AAK1: variants seen among roughly 807,000 people sequenced by gnomAD.
AAK1 encodes AP2 associated kinase 1.
AAK1 carries 37 observed loss-of-function variants against 116.0 expected under a neutral mutation model. The observed-to-expected ratio is 0.32, with a 90% confidence interval of 0.25 to 0.42. The LOEUF (loss-of-function observed/expected upper bound fraction) is 0.42, where lower values mean the gene tolerates loss of function less well. Ranked by LOEUF, AAK1 falls within the 10% of genes least tolerant of loss-of-function variation. AAK1 has a pLI of 1.00. For synonymous variants in AAK1, 458 were observed against 439.9 expected, an observed-to-expected ratio of 1.04 and a Z score of -0.51; for missense variants, 919 against 1,170.6, an observed-to-expected ratio of 0.79 and a Z score of 3.14.
At chr2:69,521,077 C>A in intron 10 of AAK1, 89 bp from the exon 11 acceptor site, 1 of 1,395,098 alleles carries the variant, frequency 7.2e-7, no homozygotes, top group Non-Finnish European at 1.0e-6. Flanking sequence ...GCTTCCACAT[C>A]GACCCAAACC....
In AAK1 at chr2:69,530,000, A is replaced by AT; in HGVS notation, c.871+7dup. 3.9e-6 allele frequency: 6 copies of AT among 1,537,012 alleles called. No homozygotes were observed. Among genetic ancestry groups the AT allele is most frequent in the Non-Finnish European group, 4.4e-6 (5 of 1,143,338 alleles). On this transcript the variant is annotated splice_region_variant and intron_variant, in intron 8 of 21. Coordinates refer to ENST00000409085, the MANE Select transcript of AAK1 (RefSeq NM_014911.5). ...AAAAATATGAAACTAGAAACTTAAA[A>AT]TACTTACTAATTAGGCAGTGCATGT...
chr2:69,551,622 G>A (rs1671185698), intron 3 of AAK1, among the ~76,000 whole-genome samples: 1 of 152,196 alleles, frequency 6.6e-6, no homozygotes. Context: ...GCCAGGGGAT[G>A]TGAACACAGA....
chr2:69,560,814 A>G (rs1249478059), intron 2 of AAK1, among the ~76,000 whole-genome samples: 1 of 152,236 alleles, frequency 6.6e-6, no homozygotes, highest in Non-Finnish European at 1.5e-5. Flanking sequence ...TTGTCATGCC[A>G]TAAAATAGTG....
At chr2:69,611,429 G>C (rs1011313629) in intron 2 of AAK1, among the ~76,000 whole-genome samples, 1 of 152,272 alleles carries the variant, frequency 6.6e-6, no homozygotes, top group South Asian at 2.1e-4. Context: ...AGACAACATT[G>C]AGACTTCCTT....
intron 17 of AAK1, among the ~76,000 whole-genome samples, chr2:69,494,458 CAA>C (rs1305122566): frequency 2.0e-5 from 3 of 152,290 alleles, no homozygotes; most frequent in African/African-American, 4.8e-5. Context: ...CTGCCCTGTG[CAA>C]AGAGGCCTTC....
intron 2 of AAK1, among the ~76,000 whole-genome samples, chr2:69,636,187 A>G (rs1675437550): frequency 6.6e-6 from 1 of 151,428 alleles, no homozygotes; most frequent in Non-Finnish European, 1.5e-5. Flanking sequence ...CTAGAGGCTT[A>G]AAAAGATTTC....
At chr2:69,604,112 T>C (rs538090954) in intron 2 of AAK1, among the ~76,000 whole-genome samples, 1 of 152,302 alleles carries the variant, frequency 6.6e-6, no homozygotes, top group South Asian at 2.1e-4. Flanking sequence ...GTAACCTGAC[T>C]CTCCAGTGTT....
chr2:69,472,125 T>A lies in AAK1; in HGVS notation c.*3744A>T, dbSNP rs1020160292. On this transcript the variant is annotated 3_prime_UTR_variant, in exon 22 of 22. Coordinates refer to ENST00000409085, the MANE Select transcript of AAK1 (RefSeq NM_014911.5). The stretch of plus-strand genomic sequence containing the variant: ...TAAGGAATCACAGAAGTTTCCTTAT[T>A]CAGAAAATTACAGAAATTAAGTCTT... The A allele has an allele frequency of 1.0e-6, 1 of 984,182 alleles. No individual in the cohort carries two copies. Among genetic ancestry groups the A allele is most frequent in the African/African-American group, 1.7e-5 (1 of 57,222 alleles). The allele number at this position is 984,182 out of a possible 1,614,324, so 61.0% of individuals were successfully genotyped here.
intron 13 of AAK1, among the ~76,000 whole-genome samples, chr2:69,512,648 G>A (rs1676434705): frequency 6.6e-6 from 1 of 152,352 alleles, no homozygotes; most frequent in South Asian, 2.1e-4. Flanking sequence ...ACAAGGATGG[G>A]TCAAAGCTGA....
intron 12 of AAK1, among the ~76,000 whole-genome samples, chr2:69,518,453 C>T (rs1299787587): frequency 1.4e-5 from 2 of 141,388 alleles, no homozygotes; most frequent in Non-Finnish European, 3.0e-5. Flanking sequence ...GAGTCTTGCT[C>T]TTGTTGCCCA....
Position 69,489,438 on chromosome 2 carries a change from G to A in AAK1, c.2365+6547C>T, listed in dbSNP as rs868369221. Among the ~76,000 whole-genome samples the A allele has an allele frequency of 2.9e-5, 4 of 137,338 alleles. No homozygotes were observed. The South Asian group carries it at 7.1e-4, about 25-fold the overall frequency. The allele number at this position is 137,338 out of a possible 152,430, so 90.1% of individuals were successfully genotyped here. On this transcript the variant is annotated intron_variant, in intron 17 of 21. Transcript: ENST00000409085. ...TGCACTCCAGACTGGGCGACAGAGCGAGACTCCGTCTCAAAAAAAAAAAAA... is the reference window on the plus strand; with the variant it reads ...TGCACTCCAGACTGGGCGACAGAGCAAGACTCCGTCTCAAAAAAAAAAAAA...
intron 13 of AAK1, among the ~76,000 whole-genome samples, chr2:69,514,126 A>G (rs2104980834): frequency 6.6e-6 from 1 of 152,346 alleles, no homozygotes; most frequent in South Asian, 2.1e-4. Context: ...TGCCCCTTGA[A>G]GAAGAGAAAG....
intron 2 of AAK1, among the ~76,000 whole-genome samples, chr2:69,611,314 G>A (rs1421546935): frequency 2.0e-5 from 3 of 152,146 alleles, no homozygotes; most frequent in African/African-American, 7.2e-5. Context: ...TCCTGCCCTT[G>A]GGCATCAGAC....
At position 69,459,506 on chromosome 2, in the gene AAK1, G is replaced by A. The variant is rs1035259486; in HGVS notation, c.*16363C>T. On this transcript the variant is annotated 3_prime_UTR_variant, in exon 22 of 22. Coordinates refer to ENST00000409085, the MANE Select transcript of AAK1 (RefSeq NM_014911.5). The stretch of plus-strand genomic sequence containing the variant: ...CTTGAACTCATGAGCTCAAGCGATC[G>A]GCCCAACACAGCCTCCCAGAGTGCT... The A allele has an allele frequency of 1.3e-5, 2 of 152,014 alleles. No individual in the cohort carries two copies. The highest frequency in any genetic ancestry group is 2.1e-4 in the South Asian group (1 of 4,808). The allele number at this position is 152,014 out of a possible 1,614,324, so 9.4% of individuals were successfully genotyped here.
At chr2:69,590,984 T>C (rs1292991841) in intron 2 of AAK1, among the ~76,000 whole-genome samples, 3 of 152,304 alleles carry the variant, frequency 2.0e-5, no homozygotes, top group East Asian at 1.9e-4. Context: ...GTCAGCTCGA[T>C]TGCTAGGGAA....
rs907063970 is a variant in AAK1, at chr2:69,459,217, T to C, written c.*16652A>G. On this transcript the variant is annotated 3_prime_UTR_variant, in exon 22 of 22. Coordinates refer to ENST00000409085, the MANE Select transcript of AAK1 (RefSeq NM_014911.5). ...CCTGCCAACCTTCCTTCATCCTTTCTTCTAGTTCATAATAGGGAAGGTGAG... is the reference window on the plus strand; with the variant it reads ...CCTGCCAACCTTCCTTCATCCTTTCCTCTAGTTCATAATAGGGAAGGTGAG... The C allele has an allele frequency of 5.9e-5, 9 of 152,348 alleles. No homozygotes were observed. Among genetic ancestry groups the C allele is most frequent in the South Asian group, 2.1e-4 (1 of 4,830 alleles). 9.4% of individuals were successfully genotyped at this position (152,348 alleles called of 1,614,324 possible).
intron 2 of AAK1, among the ~76,000 whole-genome samples, chr2:69,614,365 G>A (rs1229044071): frequency 1.3e-5 from 2 of 152,142 alleles, no homozygotes; most frequent in African/African-American, 4.8e-5. Context: ...CAGCTGGAAG[G>A]AGGAGTCTAG....
Position 69,466,586 on chromosome 2 carries a change from G to A in AAK1, c.*9283C>T. On this transcript the variant is annotated 3_prime_UTR_variant, in exon 22 of 22. Transcript: ENST00000409085. ...CATAAAATGCAGAATTAATGTGTAG[G>A]TCAATTCAACTCTATTTGGAACATT... The A allele has an allele frequency of 3.5e-6, 4 of 1,158,614 alleles. No individual in the cohort carries two copies. The highest frequency in any genetic ancestry group is 4.3e-6 in the Non-Finnish European group (4 of 924,562). The allele number at this position is 1,158,614 out of a possible 1,614,324, so 71.8% of individuals were successfully genotyped here.
In AAK1 at chr2:69,467,778, C is replaced by A. The variant is rs910329242; in HGVS notation, c.*8091G>T. On this transcript the variant is annotated 3_prime_UTR_variant, in exon 22 of 22. Coordinates refer to ENST00000409085, the MANE Select transcript of AAK1 (RefSeq NM_014911.5). ...CTGCATGAATTAAGCACACAGACCACAGCAGAAGAGGCATTAAAATCAGTT... is the reference window on the plus strand; with the variant it reads ...CTGCATGAATTAAGCACACAGACCAAAGCAGAAGAGGCATTAAAATCAGTT... The A allele has an allele frequency of 8.1e-6, 8 of 985,272 alleles. No homozygotes were observed. In the South Asian group the frequency reaches 1.9e-4, roughly 23 times the overall value. The allele number at this position is 985,272 out of a possible 1,614,324, so 61.0% of individuals were successfully genotyped here.
Sources: allele counts gnomAD v4.1 joint callset (sites outside exome capture counted in the v4.1 genomes callset), GRCh38; gene constraint gnomAD v4.1.1; transcripts MANE v1.5; gene names NCBI Gene and HGNC (gene_info 2026-07-23, HGNC 2026-07-21).